The following ABCC1 variants were observed in gnomAD, a reference collection of about 807,000 sequenced individuals.
The protein encoded by ABCC1 is multidrug resistance-associated protein 1.
A neutral mutation model predicts 172.9 loss-of-function variants in ABCC1; 83 were observed. That is an observed-to-expected ratio of 0.48 (90% CI 0.40 to 0.58). The LOEUF (loss-of-function observed/expected upper bound fraction) is 0.58. ABCC1 is among the 20% of genes least tolerant of loss of function. The probability of loss-of-function intolerance (pLI) is 0.00; values close to 1 mark genes in which losing one functional copy is unlikely to be tolerated. For missense variants in ABCC1, 1,817 were observed against 2,002.7 expected (o/e 0.91, Z 1.77); for synonymous variants, 937 against 825.2 (o/e 1.14, Z -2.32).
At chr16:15,963,858 T>C (rs1221414452) in intron 1 of ABCC1, among the ~76,000 whole-genome samples, 4 of 152,228 alleles carry the variant, frequency 2.6e-5, no homozygotes, top group Admixed American at 6.5e-5. Flanking sequence ...TTGGGCTCCT[T>C]GTTACTTTTG....
chr16:16,039,554 C>T (rs995793015), intron 7 of ABCC1, among the ~76,000 whole-genome samples: 2 of 152,010 alleles, frequency 1.3e-5, no homozygotes, highest in Non-Finnish European at 2.9e-5. Flanking sequence ...CAGGCATGAG[C>T]TACTGTGTCC....
chr16:16,089,590 C>T lies in ABCC1; in HGVS notation c.2461-815C>T, dbSNP rs565820230. On this transcript the variant is annotated intron_variant, in intron 18 of 30. Coordinates refer to ENST00000399410, the MANE Select transcript of ABCC1 (RefSeq NM_004996.4). ...AGAAGAAAAAAATTAAGCCATTGGG[C>T]TGGGCGCAGCGGCTCACACCTGTAA... 1.4e-4 allele frequency among the ~76,000 whole-genome samples: 21 copies of T among 151,240 alleles called. No individual in the cohort carries two copies. In the East Asian group the frequency reaches 3.9e-3, roughly 28 times the overall value.
intron 26 of ABCC1, among the ~76,000 whole-genome samples, chr16:16,127,123 C>T (rs2045474657): frequency 6.6e-6 from 1 of 152,136 alleles, no homozygotes; most frequent in Admixed American, 6.5e-5. Context: ...GACACCCCCA[C>T]CCTACATTAA....
chr16:16,037,302 C>T (rs529855793), intron 7 of ABCC1, among the ~76,000 whole-genome samples: 13 of 152,234 alleles, frequency 8.5e-5, no homozygotes, highest in Non-Finnish European at 1.5e-4. Context: ...AAAGAAGCCC[C>T]ATTTGAGGGT....
chr16:16,090,278 C>T (rs1338644882), intron 18 of ABCC1, 127 bp from the exon 19 acceptor site: 5 of 971,114 alleles, frequency 5.1e-6, no homozygotes, highest in Non-Finnish European at 7.3e-6. Context: ...GTGCATGTCC[C>T]ACCTTCAGAC....
chr16:15,989,859 A>G (rs896017639), intron 1 of ABCC1, among the ~76,000 whole-genome samples: 1 of 152,064 alleles, frequency 6.6e-6, no homozygotes, highest in Non-Finnish European at 1.5e-5. Context: ...CCGTGCTTAG[A>G]CAGGGCTCTG....
intron 7 of ABCC1, among the ~76,000 whole-genome samples, chr16:16,039,209 T>TTGTGTGTG (rs749877499): frequency 1.2e-3 from 171 of 137,168 alleles, no homozygotes; most frequent in African/African-American, 3.4e-3. Flanking sequence ...GAGGAAGCTT[T>TTGTGTGTG]TGTGTGTGTG....
At chr16:16,039,209 TTGTG>T (rs749877499) in intron 7 of ABCC1, among the ~76,000 whole-genome samples, 22 of 137,192 alleles carry the variant, frequency 1.6e-4, no homozygotes, top group East Asian at 8.3e-4. Context: ...GAGGAAGCTT[TTGTG>T]TGTGTGTGTG....
intron 1 of ABCC1, among the ~76,000 whole-genome samples, chr16:15,989,572 G>A (rs1038399091): frequency 1.3e-5 from 2 of 152,150 alleles, no homozygotes; most frequent in African/African-American, 2.4e-5. Context: ...CCCCTCTGCA[G>A]CGTTGTTTCT....
intron 1 of ABCC1, among the ~76,000 whole-genome samples, chr16:15,961,010 T>G (rs796339189): frequency 0.03 from 1,645 of 55,522 alleles, 29 homozygotes; most frequent in African/African-American, 0.11. Context: ...GTTTTTTTTT[T>G]TTTTTTTTTT....
chr16:16,033,944 G>A (rs908730976), intron 6 of ABCC1, among the ~76,000 whole-genome samples: 4 of 141,136 alleles, frequency 2.8e-5, no homozygotes, highest in Non-Finnish European at 6.2e-5. Context: ...TCCTCTTTTT[G>A]TATATCTTTT....
intron 15 of ABCC1, among the ~76,000 whole-genome samples, chr16:16,078,492 G>T (rs901633948): frequency 1.3e-5 from 2 of 152,192 alleles, no homozygotes; most frequent in African/African-American, 4.8e-5. Flanking sequence ...CCGGCTGGCA[G>T]AGTTCAGGTG....
intron 12 of ABCC1, among the ~76,000 whole-genome samples, chr16:16,065,361 A>G (rs2050072124): frequency 1.3e-5 from 2 of 152,138 alleles, no homozygotes; most frequent in Admixed American, 6.5e-5. Flanking sequence ...CCTGGGCTCA[A>G]ATGATTCTCC....
Position 16,125,809 on chromosome 16 carries a change from G to A in ABCC1, c.3718-1G>A. 6.2e-7 allele frequency: 1 copy of A among 1,611,974 alleles called. No homozygotes were observed. The highest frequency in any genetic ancestry group is 8.5e-7 in the Non-Finnish European group (1 of 1,178,690). ...ATGCCACGTGACTCTTCCACTCACA[G>A]GTCACCACGTACTTGAACTGGCTGG... is the stretch of plus-strand genomic sequence containing the variant. On this transcript the variant is annotated splice_acceptor_variant, in intron 25 of 30. Coordinates refer to ENST00000399410, the MANE Select transcript of ABCC1 (RefSeq NM_004996.4). LOFTEE classifies it high-confidence loss of function.
intron 15 of ABCC1, 93 bp from the exon 16 acceptor site, chr16:16,079,259 C>T: frequency 1.3e-6 from 2 of 1,546,874 alleles, no homozygotes; most frequent in Non-Finnish European, 1.8e-6. Flanking sequence ...TTCTCTTTCT[C>T]TACTTGGGGT....
chr16:16,006,854 G>GGTGGCA (rs971537095), intron 1 of ABCC1, among the ~76,000 whole-genome samples: 2 of 149,192 alleles, frequency 1.3e-5, no homozygotes, highest in Admixed American at 6.7e-5. Flanking sequence ...TGGTGGTGGC[G>GGTGGCA]GTGGCGGTGG....
rs145514696 is a variant in ABCC1, at chr16:16,104,235, C to G, written c.2735+1518C>G. ...GGAAGGGTACCCCAGTAGGTGGCCA[C>G]TGCTGGCTCTGGCAGCCAGCTTTTA... is the stretch of plus-strand genomic sequence containing the variant. On this transcript the variant is annotated intron_variant, in intron 20 of 30. Coordinates refer to ENST00000399410, the MANE Select transcript of ABCC1 (RefSeq NM_004996.4). Among the ~76,000 whole-genome samples, 851 of 152,302 alleles carry G rather than the reference C, an allele frequency of 5.6e-3. 12 individuals carry two copies. The highest frequency in any genetic ancestry group is 0.019 in the African/African-American group (802 of 41,564).
intron 15 of ABCC1, 71 bp from the exon 16 acceptor site, chr16:16,079,281 C>A: frequency 6.3e-7 from 1 of 1,583,020 alleles, no homozygotes; most frequent in Non-Finnish European, 8.6e-7. Context: ...AATTGAGGCT[C>A]GGTGGCCATG....
intron 6 of ABCC1, 43 bp from the exon 7 acceptor site, chr16:16,036,429 T>C (rs2048758267): frequency 6.3e-7 from 1 of 1,583,384 alleles, no homozygotes; most frequent in Non-Finnish European, 8.6e-7. Context: ...CCTCCTCCTG[T>C]CATTGACTCT....
Sources: gnomAD v4.1 joint callset for allele counts (sites outside exome capture counted in the v4.1 genomes callset) on GRCh38, gnomAD v4.1.1 for gene constraint, MANE v1.5 for transcripts, NCBI Gene and HGNC (gene_info 2026-07-23, HGNC 2026-07-21) for gene names.